Variants in TRIO observed in about 807,000 individuals in gnomAD.
TRIO encodes triple functional domain protein.
A neutral mutation model predicts 351.9 loss-of-function variants in TRIO; 58 were observed. The ratio of observed to expected loss-of-function variants is 0.16; its 90% CI spans 0.13 to 0.21. The LOEUF (loss-of-function observed/expected upper bound fraction) is 0.21. Ranked by LOEUF, TRIO falls within the 10% of genes least tolerant of loss-of-function variation. The pLI, the probability that TRIO is intolerant of heterozygous loss-of-function variation, is 1.00. For synonymous variants in TRIO, 1,758 were observed against 1,595.7 expected (o/e 1.10, Z -2.42); for missense variants, 3,201 against 4,027.8 (o/e 0.79, Z 5.56).
chr5:14,296,967 C>T (rs921494552), intron 6 of TRIO, 105 bp from the exon 7 acceptor site: 7 of 848,932 alleles, frequency 8.2e-6, no homozygotes, highest in African/African-American at 3.4e-5. Context: ...GAGATGTGAT[C>T]ACTGTTAGAA....
chr5:14,232,294 A>G (rs1481907074), intron 1 of TRIO, among the ~76,000 whole-genome samples: 8 of 152,090 alleles, frequency 5.3e-5, no homozygotes, highest in Non-Finnish European at 1.5e-5. Flanking sequence ...TTCAATGAAT[A>G]CACCTTCCAT....
chr5:14,365,625 A>G (rs1001000524), intron 15 of TRIO, among the ~76,000 whole-genome samples: 3 of 152,254 alleles, frequency 2.0e-5, no homozygotes, highest in African/African-American at 7.2e-5. Flanking sequence ...AACACAAAAC[A>G]GTTTATTTAA....
At chr5:14,291,788 T>TAAAAAAAAAAAAAAAA (rs57424190) in intron 5 of TRIO, among the ~76,000 whole-genome samples, 4 of 101,018 alleles carry the variant, frequency 4.0e-5, no homozygotes, top group Admixed American at 1.2e-4. Flanking sequence ...GACTCCGTCT[T>TAAAAAAAAAAAAAAAA]AAAAAAAAAA....
intron 21 of TRIO, among the ~76,000 whole-genome samples, chr5:14,384,074 A>C (rs1201095410): frequency 6.6e-6 from 1 of 152,178 alleles, no homozygotes; most frequent in Non-Finnish European, 1.5e-5. Context: ...CACCACCTGC[A>C]TCCAGGTTGT....
chr5:14,315,627 A>G (rs533734637), intron 8 of TRIO, among the ~76,000 whole-genome samples: 1 of 151,886 alleles, frequency 6.6e-6, no homozygotes, highest in Admixed American at 6.6e-5. Flanking sequence ...GGCCCTACCT[A>G]CTTAAGACAC....
chr5:14,488,427 GCTA>G (rs1207503044), intron 48 of TRIO, 167 bp downstream of exon 48: 6 of 970,242 alleles, frequency 6.2e-6, no homozygotes, highest in Non-Finnish European at 8.8e-6. Flanking sequence ...GGCCCACGGC[GCTA>G]CTAACTACTC....
intron 11 of TRIO, among the ~76,000 whole-genome samples, chr5:14,343,342 A>G (rs1220537384): frequency 6.6e-6 from 1 of 152,250 alleles, no homozygotes; most frequent in African/African-American, 2.4e-5. Flanking sequence ...CTTTCAAGAT[A>G]CAGAACCATA....
chr5:14,216,078 G>C (rs969366565), intron 1 of TRIO, among the ~76,000 whole-genome samples: 1 of 152,164 alleles, frequency 6.6e-6, no homozygotes, highest in East Asian at 1.9e-4. Flanking sequence ...GATTCAGTGA[G>C]ATAATCCATG....
chr5:14,216,927 G>C (rs760794065), intron 1 of TRIO, among the ~76,000 whole-genome samples: 2 of 152,218 alleles, frequency 1.3e-5, no homozygotes, highest in African/African-American at 2.4e-5. Context: ...GAATCTAGCA[G>C]CCTGGCCAGA....
intron 11 of TRIO, among the ~76,000 whole-genome samples, chr5:14,349,419 C>CT (rs890112090): frequency 2.6e-5 from 4 of 152,014 alleles, no homozygotes; most frequent in Non-Finnish European, 5.9e-5. Context: ...TTTCCTTGCT[C>CT]TTTTTTTTAA....
intron 33 of TRIO, among the ~76,000 whole-genome samples, chr5:14,415,820 T>C (rs1027184488): frequency 1.3e-5 from 2 of 152,176 alleles, no homozygotes; most frequent in African/African-American, 4.8e-5. Context: ...GGTGGGTCCC[T>C]GGCCCCTGGT....
intron 34 of TRIO, among the ~76,000 whole-genome samples, chr5:14,442,286 C>T (rs1483784124): frequency 6.6e-6 from 1 of 152,102 alleles, no homozygotes; most frequent in Non-Finnish European, 1.5e-5. Context: ...ACGCAGAGAG[C>T]CAAGGGGATT....
chr5:14,166,230 T>C (rs1180681177), intron 1 of TRIO, among the ~76,000 whole-genome samples: 1 of 152,228 alleles, frequency 6.6e-6, no homozygotes, highest in Non-Finnish European at 1.5e-5. Context: ...CCCCCTTCTT[T>C]TCTGCCCCAA....
Position 14,498,599 on chromosome 5 carries a change from A to T in TRIO, c.8291A>T (p.Asp2764Val). ...ATCTACACGTGCATCGCTGTCAATGACATGGGTTCAGCCTCATCGTCGGCC... is the reference window on the plus strand; with the variant it reads ...ATCTACACGTGCATCGCTGTCAATGTCATGGGTTCAGCCTCATCGTCGGCC... ...DGIYTCIAVN[D>V]MGSASSSASL... Residue 2764 changes from aspartate (D) to valine (V), a missense_variant, in exon 53 of 57, where the codon GAC (aspartate) becomes GTC (valine). By Grantham distance (152) the Asp-to-Val change is radical. This residue lies in a region of TRIO where 1,089 missense variants were observed against 954.9 expected (regional missense o/e 1.14). Coordinates refer to ENST00000344204, the MANE Select transcript of TRIO (RefSeq NM_007118.4). The T allele has an allele frequency of 6.2e-7, 1 of 1,614,240 alleles. No individual in the cohort carries two copies. The highest frequency in any genetic ancestry group is 8.5e-7 in the Non-Finnish European group (1 of 1,180,030).
At chr5:14,327,627 T>C (rs1169426487) in intron 9 of TRIO, among the ~76,000 whole-genome samples, 1 of 152,188 alleles carries the variant, frequency 6.6e-6, no homozygotes, top group Non-Finnish European at 1.5e-5. Flanking sequence ...ACTTAATTTT[T>C]CTCTTTACGT....
intron 1 of TRIO, among the ~76,000 whole-genome samples, chr5:14,169,898 T>C (rs1337162591): frequency 6.6e-6 from 1 of 152,242 alleles, no homozygotes. Context: ...CAAAGCATTT[T>C]AGAAAGGCTT....
intron 19 of TRIO, among the ~76,000 whole-genome samples, chr5:14,375,701 C>T (rs1340310187): frequency 4.6e-5 from 7 of 152,282 alleles, no homozygotes; most frequent in Non-Finnish European, 8.8e-5. Flanking sequence ...TGAGGAAGCC[C>T]CGTATCCAAG....
chr5:14,316,073 G>T (rs956347831), intron 8 of TRIO, among the ~76,000 whole-genome samples: 3 of 152,108 alleles, frequency 2.0e-5, no homozygotes, highest in African/African-American at 7.2e-5. Flanking sequence ...TTGTTCCATT[G>T]TGATGATCTG....
At chr5:14,344,767 C>T (rs1742266207) in intron 11 of TRIO, among the ~76,000 whole-genome samples, 1 of 152,204 alleles carries the variant, frequency 6.6e-6, no homozygotes, top group African/African-American at 2.4e-5. Context: ...GAGTAATAAC[C>T]TCACTCTGAT....
Sources: gnomAD v4.1 joint callset for allele counts (sites outside exome capture counted in the v4.1 genomes callset) on GRCh38, gnomAD v4.1.1 for gene constraint, gnomAD v4.1.1 regional missense constraint, MANE v1.5 for transcripts, NCBI Gene and HGNC (gene_info 2026-07-23, HGNC 2026-07-21) for gene names.